NTM: variants seen among roughly 807,000 people sequenced by gnomAD.
The protein encoded by NTM is IgLON family member 2.
In NTM, 13 loss-of-function variants were observed where a neutral mutation model predicts 42.1. That is an observed-to-expected ratio of 0.31 (90% confidence interval 0.20 to 0.49). The LOEUF is 0.49. Among genes scored for constraint, NTM ranks in the 20% least tolerant of loss-of-function variants. The probability of loss-of-function intolerance (pLI) is 0.99; values close to 1 mark genes in which losing one functional copy is unlikely to be tolerated. For missense variants in NTM, 373 were observed against 452.8 expected (o/e 0.82, Z 1.60); for synonymous variants, 187 against 179.2 (o/e 1.04, Z -0.35).
intron 3 of NTM, among the ~76,000 whole-genome samples, chr11:132,152,711 C>T (rs544543252): frequency 6.5e-4 from 99 of 152,178 alleles, no homozygotes; most frequent in Non-Finnish European, 1.2e-3. Context: ...TTGCTGACAA[C>T]GGAGGGACAA....
intron 2 of NTM, among the ~76,000 whole-genome samples, chr11:131,966,666 C>A (rs1267766586): frequency 6.6e-6 from 1 of 152,060 alleles, no homozygotes; most frequent in Admixed American, 6.6e-5. Context: ...GGCTGGGATG[C>A]AGAGTGTGGT....
intron 1 of NTM, among the ~76,000 whole-genome samples, chr11:131,839,004 G>A (rs935275064): frequency 1.3e-5 from 2 of 149,476 alleles, no homozygotes; most frequent in African/African-American, 5.0e-5. Flanking sequence ...ACTGTCACCC[G>A]GGCTGGAGTG....
chr11:132,101,595 T>A (rs538307393), intron 2 of NTM, among the ~76,000 whole-genome samples: 1 of 151,984 alleles, frequency 6.6e-6, no homozygotes, highest in South Asian at 2.1e-4. Context: ...TATGTTTGAA[T>A]GTATGTGAAT....
chr11:131,798,101 G>C (rs184836003), intron 1 of NTM, among the ~76,000 whole-genome samples: 2 of 152,320 alleles, frequency 1.3e-5, no homozygotes, highest in African/African-American at 4.8e-5. Flanking sequence ...AATTAGCCAA[G>C]CATGTTGATA....
intron 1 of NTM, among the ~76,000 whole-genome samples, chr11:131,419,068 C>T (rs1947245289): frequency 6.6e-6 from 1 of 152,150 alleles, no homozygotes; most frequent in African/African-American, 2.4e-5. Context: ...CCCATTTACC[C>T]ACCCATCTGT....
In NTM at chr11:132,079,481, T is replaced by C. The variant is rs1274014223; in HGVS notation, c.168-66801T>C. ...CTCCTGTTACCATCGTTGTTAAGGATGATGTTGATGCTATCCTTGTTCCAG... is the reference window on the plus strand; with the variant it reads ...CTCCTGTTACCATCGTTGTTAAGGACGATGTTGATGCTATCCTTGTTCCAG... On this transcript the variant is annotated intron_variant, in intron 2 of 8. Transcript: ENST00000683400. 2.6e-5 allele frequency among the ~76,000 whole-genome samples: 4 copies of C among 152,226 alleles called. No individual in the cohort carries two copies. In the East Asian group the frequency reaches 7.7e-4, roughly 29 times the overall value.
At chr11:132,289,013 G>A (rs2094357198) in intron 4 of NTM, among the ~76,000 whole-genome samples, 1 of 152,120 alleles carries the variant, frequency 6.6e-6, no homozygotes, top group African/African-American at 2.4e-5. Context: ...CTAAAACTCA[G>A]TCCTAGTTTT....
Position 131,689,672 on chromosome 11 carries a change from G to A in NTM, c.83-221892G>A, listed in dbSNP as rs536794784. Among the ~76,000 whole-genome samples the A allele has an allele frequency of 1.2e-4, 18 of 152,282 alleles. 1 individual carries two copies. The East Asian group carries it at 3.1e-3, about 26-fold the overall frequency. On this transcript the variant is annotated intron_variant, in intron 1 of 8. Transcript: ENST00000683400. Reference sequence around the variant, plus strand: ...CAGCCTTCTGAGAGGACGGAAAACGGAAGGCCAGCAAGGGTGCCATGGATC... The same window carrying A: ...CAGCCTTCTGAGAGGACGGAAAACGAAAGGCCAGCAAGGGTGCCATGGATC...
At chr11:131,496,477 G>T (rs1042607789) in intron 1 of NTM, among the ~76,000 whole-genome samples, 1 of 152,204 alleles carries the variant, frequency 6.6e-6, no homozygotes, top group Admixed American at 6.5e-5. Context: ...AAATCCCTGG[G>T]CAGGCCAGGG....
rs561466329 is a variant in NTM at position 131,969,514 on chromosome 11, G to A, written c.167+57866G>A. ...GAGAGCAGGCTCCTTTAATCTGTTGGCTTTGGAGACTGAGCAAGGGGAGGC... is the reference window on the plus strand; with the variant it reads ...GAGAGCAGGCTCCTTTAATCTGTTGACTTTGGAGACTGAGCAAGGGGAGGC... On this transcript the variant is annotated intron_variant, in intron 2 of 8. Transcript: ENST00000683400. Among the ~76,000 whole-genome samples the A allele has an allele frequency of 4.6e-5, 7 of 152,154 alleles. No homozygotes were observed. The South Asian group carries it at 8.3e-4, about 18-fold the overall frequency.
chr11:131,841,229 GTTATAC>G lies in NTM; in HGVS notation c.83-70330_83-70325del, dbSNP rs1211626723. Among the ~76,000 whole-genome samples the G allele has an allele frequency of 2.6e-5, 4 of 152,286 alleles. No homozygotes were observed. The East Asian group carries it at 7.7e-4, about 29-fold the overall frequency. On this transcript the variant is annotated intron_variant, in intron 1 of 8. Transcript: ENST00000683400. ...TAAATTGTAATAATTCTATAATTGA[GTTATAC>G]TTATTGTTTGGGGAAGTACTGCCAA...
At chr11:131,661,122 T>G (rs1302041300) in intron 1 of NTM, 1 of 1,016,728 alleles carries the variant, frequency 9.8e-7, no homozygotes, top group African/African-American at 1.7e-5. Context: ...CGGTGGAGAT[T>G]CCTTTCCTCA....
chr11:132,172,423 G>C (rs918989145), intron 3 of NTM, among the ~76,000 whole-genome samples: 1 of 152,158 alleles, frequency 6.6e-6, no homozygotes, highest in Non-Finnish European at 1.5e-5. Flanking sequence ...CCAAGAAATG[G>C]TCTGAAAATG....
intron 1 of NTM, among the ~76,000 whole-genome samples, chr11:131,802,057 A>G (rs2092160016): frequency 6.6e-6 from 1 of 152,176 alleles, no homozygotes; most frequent in Admixed American, 6.5e-5. Context: ...AATCCTAAAA[A>G]AACTAATTCT....
chr11:132,016,545 T>C (rs1227989782), intron 2 of NTM, among the ~76,000 whole-genome samples: 4 of 152,058 alleles, frequency 2.6e-5, no homozygotes, highest in Admixed American at 1.3e-4. Flanking sequence ...AATTCACTAG[T>C]TGCTAGACAT....
At chr11:131,538,273 G>C (rs1240246981) in intron 1 of NTM, 1 of 152,172 alleles carries the variant, frequency 6.6e-6, no homozygotes, top group Non-Finnish European at 1.5e-5. Context: ...CTAAACAATA[G>C]TGCCTCATTT....
chr11:132,160,047 G>A (rs1042668041), intron 3 of NTM, among the ~76,000 whole-genome samples: 42 of 152,266 alleles, frequency 2.8e-4, no homozygotes, highest in African/African-American at 9.1e-4. Context: ...CCCTAAGTGG[G>A]TCAGTGCAGG....
In NTM at chr11:132,003,308, C is replaced by G. The variant is rs1019968144; in HGVS notation, c.167+91660C>G. Among the ~76,000 whole-genome samples the G allele has an allele frequency of 6.6e-6, 1 of 151,342 alleles. No homozygotes were observed. ...TTGCCCAGGTTGGAGTGCAGTGACG[C>G]AATCACAGCTTACTGCAGCCTCAAC... is the stretch of plus-strand genomic sequence containing the variant. On this transcript the variant is annotated intron_variant, in intron 2 of 8. Transcript: ENST00000683400. This position sits in a 1 kb window ranked among gnomAD's most constrained non-coding sequence, Gnocchi z 6.0.
At chr11:132,028,031 A>AC (rs2075412576) in intron 2 of NTM, among the ~76,000 whole-genome samples, 1 of 143,734 alleles carries the variant, frequency 7.0e-6, no homozygotes. Flanking sequence ...ATTTCTGTTG[A>AC]TTTTTTTTTT....
Sources: allele counts gnomAD v4.1 joint callset (sites outside exome capture counted in the v4.1 genomes callset), GRCh38; gene constraint gnomAD v4.1.1; non-coding constraint Gnocchi (gnomAD v3.1); transcripts MANE v1.5; gene names NCBI Gene and HGNC (gene_info 2026-07-23, HGNC 2026-07-21).